COBLL1: variants seen among roughly 807,000 people sequenced by gnomAD.
COBLL1 encodes the protein cordon-bleu WH2 repeat protein like 1.
COBLL1 carries 50 observed loss-of-function variants against 94.8 expected under a neutral mutation model. That is an observed-to-expected ratio of 0.53 (90% CI 0.42 to 0.67). The LOEUF (loss-of-function observed/expected upper bound fraction) is 0.67, where lower values mean the gene tolerates loss of function less well. Among genes scored for constraint, COBLL1 ranks in the 30% least tolerant of loss-of-function variants. COBLL1 has a pLI of 0.00. For missense variants in COBLL1, 1,362 were observed against 1,348.7 expected, an observed-to-expected ratio of 1.01 and a Z score of -0.15; for synonymous variants, 448 against 473.8, an observed-to-expected ratio of 0.95 and a Z score of 0.71.
At chr2:164,784,239 A>G (rs1688840804) in intron 2 of COBLL1, among the ~76,000 whole-genome samples, 1 of 152,148 alleles carries the variant, frequency 6.6e-6, no homozygotes, top group African/African-American at 2.4e-5. Flanking sequence ...TTTATATTTT[A>G]TAGACTTTAA....
chr2:164,786,841 C>G (rs1036696429), intron 2 of COBLL1, among the ~76,000 whole-genome samples: 12 of 152,098 alleles, frequency 7.9e-5, no homozygotes, highest in African/African-American at 2.9e-4. Flanking sequence ...TTTTCTATGA[C>G]AGCATCCTCT....
chr2:164,819,491 C>A (rs1231196811), intron 2 of COBLL1, among the ~76,000 whole-genome samples: 1 of 152,044 alleles, frequency 6.6e-6, no homozygotes, highest in African/African-American at 2.4e-5. Context: ...TTACTCTGAT[C>A]ATACTGGAAA....
chr2:164,701,229 G>T (rs918876327), intron 9 of COBLL1, among the ~76,000 whole-genome samples: 2 of 152,084 alleles, frequency 1.3e-5, no homozygotes, highest in African/African-American at 4.8e-5. Context: ...AATTACCTGA[G>T]CCCCCTTTAA....
intron 1 of COBLL1, among the ~76,000 whole-genome samples, chr2:164,668,216 G>A (rs781679308): frequency 4.6e-5 from 7 of 151,620 alleles, no homozygotes; most frequent in Non-Finnish European, 8.8e-5. Context: ...TACCCGCCTT[G>A]GCCTCCCAAA....
chr2:164,774,902 A>G (rs1413141807), intron 2 of COBLL1, among the ~76,000 whole-genome samples: 2 of 151,874 alleles, frequency 1.3e-5, no homozygotes, highest in African/African-American at 4.8e-5. Flanking sequence ...GAGGAGATAC[A>G]TATTTTAATC....
chr2:164,678,956 A>C (rs1037393674), downstream of COBLL1, among the ~76,000 whole-genome samples: 9 of 152,160 alleles, frequency 5.9e-5, no homozygotes, highest in African/African-American at 2.2e-4. Flanking sequence ...AATAATGCAG[A>C]CTGTTAATAA....
intron 2 of COBLL1, among the ~76,000 whole-genome samples, chr2:164,825,666 T>C (rs1275859122): frequency 1.3e-5 from 2 of 152,218 alleles, no homozygotes; most frequent in African/African-American, 4.8e-5. Context: ...TTAAAAGCTT[T>C]TAGTCAAGGG....
chr2:164,718,160 A>G, intron 7 of COBLL1: 1 of 627,590 alleles, frequency 1.6e-6, no homozygotes, highest in African/African-American at 2.0e-5. Flanking sequence ...CCTGGCTATG[A>G]AAGCAGTGAT....
At chr2:164,690,079 A>G (rs1208652861) in intron 13 of COBLL1, among the ~76,000 whole-genome samples, 1 of 152,078 alleles carries the variant, frequency 6.6e-6, no homozygotes, top group African/African-American at 2.4e-5. Flanking sequence ...TAATTCTACT[A>G]ATTGGATATT....
chr2:164,678,318 A>G (rs1411174278), downstream of COBLL1, among the ~76,000 whole-genome samples: 1 of 152,194 alleles, frequency 6.6e-6, no homozygotes, highest in Non-Finnish European at 1.5e-5. Flanking sequence ...ATCATCAAAA[A>G]TGATGGAGAT....
chr2:164,713,746 A>C (rs984758229), intron 7 of COBLL1, among the ~76,000 whole-genome samples: 1 of 152,160 alleles, frequency 6.6e-6, no homozygotes, highest in African/African-American at 2.4e-5. Flanking sequence ...TTTGTGTTAC[A>C]GTCAGGAGTT....
rs1553477426 is a variant in COBLL1, at chr2:164,779,119, GTT to G, written c.42-35246_42-35245del. Among the ~76,000 whole-genome samples the G allele has an allele frequency of 7.0e-3, 1,057 of 151,000 alleles. 9 individuals carry two copies. The highest frequency in any genetic ancestry group is 0.011 in the Non-Finnish European group (727 of 67,696). On this transcript the variant is annotated intron_variant, in intron 2 of 13. Transcript: ENST00000652658. ...ATTGCTTGTTGTTGTTGTTGTTGTT[GTT>G]TTGTTTTTCCCTATCCAAATTGTTT...
intron 2 of COBLL1, among the ~76,000 whole-genome samples, chr2:164,824,174 A>G (rs10166371): frequency 0.51 from 76,960 of 151,942 alleles, 20,707 homozygotes; most frequent in African/African-American, 0.68. Context: ...CTGAGGTCAG[A>G]AGTTCGAGAC....
rs1683207349 is a variant in COBLL1 at position 164,684,887 on chromosome 2, T to C, written c.*1059A>G. 1 of 152,098 alleles carries C rather than the reference T, an allele frequency of 6.6e-6. No individual in the cohort carries two copies. Among genetic ancestry groups the C allele is most frequent in the Non-Finnish European group, 1.5e-5 (1 of 68,010 alleles). 9.4% of individuals were successfully genotyped at this position (152,098 alleles called of 1,614,324 possible). A position where few individuals can be genotyped will look rare whatever the true frequency, so the allele number is the denominator to read the frequency against. On this transcript the variant is annotated 3_prime_UTR_variant, in exon 14 of 14. Coordinates refer to ENST00000652658, the MANE Select transcript of COBLL1 (RefSeq NM_001365672.2). ...CAAAGCTTTCAGAATAAGTGAGCAATTAAATTCTTAAAGTAGGGACAGAAC... is the reference window on the plus strand; with the variant it reads ...CAAAGCTTTCAGAATAAGTGAGCAACTAAATTCTTAAAGTAGGGACAGAAC...
At position 164,722,293 on chromosome 2, in the gene COBLL1, T is replaced by G; in HGVS notation, c.778A>C (p.Thr260Pro). 1 of 1,613,884 alleles carries G rather than the reference T, an allele frequency of 6.2e-7. No homozygotes were observed. Among genetic ancestry groups the G allele is most frequent in the Non-Finnish European group, 8.5e-7 (1 of 1,179,858 alleles). ...KRDQTASAPA[T>P]PLVNKHRPTF... Reference sequence around the variant, plus strand: ...GGGCGGTGCTTATTTACTAGAGGGGTTGCAGGGGCACTTGCAGTCTAGTAA... The same window carrying G: ...GGGCGGTGCTTATTTACTAGAGGGGGTGCAGGGGCACTTGCAGTCTAGTAA... The change falls in exon 7 of 14, where the codon ACC becomes CCC. Residue 260 changes from threonine to proline, a missense_variant. Coordinates refer to ENST00000652658, the MANE Select transcript of COBLL1 (RefSeq NM_001365672.2).
chr2:164,744,778 T>G (rs906026389), intron 2 of COBLL1, among the ~76,000 whole-genome samples: 5 of 152,202 alleles, frequency 3.3e-5, no homozygotes, highest in African/African-American at 4.8e-5. Flanking sequence ...ATATATCTGC[T>G]TCAATGAAAA....
At chr2:164,775,584 T>A (rs375950695) in intron 2 of COBLL1, among the ~76,000 whole-genome samples, 1 of 152,164 alleles carries the variant, frequency 6.6e-6, no homozygotes, top group African/African-American at 2.4e-5. Context: ...TGCCTCAGCT[T>A]CCTGAGTAGC....
chr2:164,677,386 ACCAGCAAAGGTAC>A (rs540185133), downstream of COBLL1, among the ~76,000 whole-genome samples: 402 of 152,284 alleles, frequency 2.6e-3, 3 homozygotes, highest in African/African-American at 9.3e-3. Context: ...TTTAGGTTGT[ACCAGCAAAGGTAC>A]TGGTAGGAAC....
At chr2:164,678,758 G>T (rs1682908724), downstream of COBLL1, among the ~76,000 whole-genome samples, 1 of 152,078 alleles carries the variant, frequency 6.6e-6, no homozygotes. Context: ...TGGAAAAAGG[G>T]ACAACTTACG....
Sources: gnomAD v4.1 joint callset for allele counts (sites outside exome capture counted in the v4.1 genomes callset) on GRCh38, gnomAD v4.1.1 for gene constraint, MANE v1.5 for transcripts, NCBI Gene and HGNC (gene_info 2026-07-23, HGNC 2026-07-21) for gene names.